AMPD2: variants seen among roughly 807,000 people sequenced by gnomAD.
The protein encoded by AMPD2 is AMP deaminase 2.
In AMPD2, 52 loss-of-function variants were observed where a neutral mutation model predicts 91.3. The observed-to-expected ratio is 0.57, with a 90% CI of 0.46 to 0.72. AMPD2 has a LOEUF of 0.72. AMPD2 is among the 30% of genes least tolerant of loss of function. AMPD2 has a pLI of 0.00. For missense variants in AMPD2, 822 were observed against 1,122.3 expected, an observed-to-expected ratio of 0.73 and a Z score of 3.82; for synonymous variants, 455 against 456.4, an observed-to-expected ratio of 1.00 and a Z score of 0.04.
rs563198884 is a variant in AMPD2, at chr1:109,627,287, C to T, written c.831C>T (p.His277=). ...LGLRMVRGVV[H]VYTRREPDEH... ...TGCGCATGGTGCGGGGTGTGGTGCACGTCTACACCCGCAGGGAACCCGACG... is the reference window on the plus strand; with the variant it reads ...TGCGCATGGTGCGGGGTGTGGTGCATGTCTACACCCGCAGGGAACCCGACG... The change falls in exon 8 of 19, where the codon CAC becomes CAT. Residue 277 remains histidine, a synonymous_variant. Coordinates refer to ENST00000528667, the MANE Select transcript of AMPD2 (RefSeq NM_001368809.2). 46 of 1,605,272 alleles carry T rather than the reference C, an allele frequency of 2.9e-5. No individual in the cohort carries two copies. The East Asian group carries it at 2.9e-4, about 10-fold the overall frequency.
rs752638997 is a variant in AMPD2 at position 109,621,308 on chromosome 1, T to C, written c.91+42T>C. 3 of 1,602,278 alleles carry C rather than the reference T, an allele frequency of 1.9e-6. No homozygotes were observed. The East Asian group carries it at 6.7e-5, about 36-fold the overall frequency. On this transcript the variant is annotated intron_variant, in intron 2 of 18. Coordinates refer to ENST00000528667, the MANE Select transcript of AMPD2 (RefSeq NM_001368809.2). ...TGGCCTCAGGATAGATGCTGGGCTCTGTCTTGCCACCTCTCGCCCAAGGTG... is the reference window on the plus strand; with the variant it reads ...TGGCCTCAGGATAGATGCTGGGCTCCGTCTTGCCACCTCTCGCCCAAGGTG...
At position 109,629,859 on chromosome 1, in the gene AMPD2, C is replaced by T. The variant is rs1651048457; in HGVS notation, c.1926C>T (p.His642=). The T allele has an allele frequency of 1.9e-6, 3 of 1,612,704 alleles. No homozygotes were observed. The highest frequency in any genetic ancestry group is 2.5e-6 in the Non-Finnish European group (3 of 1,179,128). The change falls in exon 16 of 19, where the codon CAC becomes CAT. Residue 642 remains histidine, a synonymous_variant. Transcript: ENST00000528667. ...PHCGEAGPIH[H]LVSAFMLAEN... is the part of the protein sequence containing the mutation. ...GTGGGGAGGCTGGGCCCATCCACCA[C>T]CTGGTGTCAGCCTTCATGCTGGCTG... is the stretch of plus-strand genomic sequence containing the variant.
Position 109,620,048 on chromosome 1 carries a change from G to C in AMPD2, c.-493G>C. 1.7e-6 allele frequency: 1 copy of C among 579,640 alleles called. No individual in the cohort carries two copies. The highest frequency in any genetic ancestry group is 3.1e-6 in the Non-Finnish European group (1 of 324,792). The allele number at this position is 579,640 out of a possible 1,614,324, so 35.9% of individuals were successfully genotyped here. ...GTTGGGTGGTCGCGACACCGGGGTC[G>C]CCTTGAGGCCAGTCCGGCTGCCGAG... is the stretch of plus-strand genomic sequence containing the variant. On this transcript the variant is annotated 5_prime_UTR_variant, in exon 1 of 19. Coordinates refer to ENST00000528667, the MANE Select transcript of AMPD2 (RefSeq NM_001368809.2).
At position 109,625,801 on chromosome 1, in the gene AMPD2, G is replaced by A. The variant is rs371094107; in HGVS notation, c.353+9G>A. ...ATCAGCCAGGATGTCAAGTGAGCCC[G>A]GCAGGCAGCTGCTTAGTCTCCCTCC... is the stretch of plus-strand genomic sequence containing the variant. On this transcript the variant is annotated intron_variant, in intron 4 of 18. Coordinates refer to ENST00000528667, the MANE Select transcript of AMPD2 (RefSeq NM_001368809.2). The surrounding 1 kb of genome is among the most constrained non-coding windows in gnomAD (Gnocchi z 4.0). The A allele has an allele frequency of 4.0e-5, 65 of 1,613,780 alleles. No homozygotes were observed. The highest frequency in any genetic ancestry group is 3.3e-4 in the Middle Eastern group (2 of 6,082).
intron 2 of AMPD2, 59 bp downstream of exon 2, chr1:109,621,325 C>T (rs1363041423): frequency 6.3e-7 from 1 of 1,581,016 alleles, no homozygotes; most frequent in Non-Finnish European, 8.6e-7. Context: ...CCACCTCTCG[C>T]CCAAGGTGCT....
At position 109,626,759 on chromosome 1, in the gene AMPD2, A is replaced by G; in HGVS notation, c.565A>G (p.Ser189Gly). 1.2e-6 allele frequency: 2 copies of G among 1,613,832 alleles called. No individual in the cohort carries two copies. The highest frequency in any genetic ancestry group is 1.7e-6 in the Non-Finnish European group (2 of 1,179,834). The stretch of plus-strand genomic sequence containing the variant: ...CACAGACCTGCTGGATGCAGCCAAG[A>G]GTGTGGTGCGGGCGCTCTTCATCCG... ...PFTDLLDAAK[S>G]VVRALFIREK... is the part of the protein sequence containing the mutation. Residue 189 changes from serine to glycine, a missense_variant, in exon 7 of 19, where the codon AGT becomes GGT. Transcript: ENST00000528667.
At chr1:109,622,929 C>T (rs1650379170) in intron 2 of AMPD2, among the ~76,000 whole-genome samples, 1 of 152,114 alleles carries the variant, frequency 6.6e-6, no homozygotes. Context: ...AGATCTTACA[C>T]TCTGGGGGTG....
At chr1:109,627,035 G>T in intron 7 of AMPD2, 123 bp downstream of exon 7, 1 of 1,538,690 alleles carries the variant, frequency 6.5e-7, no homozygotes, top group Non-Finnish European at 8.8e-7. Context: ...CAACCTCTTG[G>T]GGTACAGGGG....
At chr1:109,621,435 G>T in intron 2 of AMPD2, 169 bp downstream of exon 2, 5 of 658,282 alleles carry the variant, frequency 7.6e-6, no homozygotes, top group East Asian at 3.0e-5. Context: ...GGGGTGAGGG[G>T]TGGTGGGGGG....
In AMPD2 at chr1:109,621,688, C is replaced by T. The variant is rs539417874; in HGVS notation, c.91+422C>T. On this transcript the variant is annotated intron_variant, in intron 2 of 18. Transcript: ENST00000528667. ...GCTTAGGCTGTTCTGTGGCTAGTTC[C>T]ACTTTTTAGGACCCCACATCTAGAT... is the stretch of plus-strand genomic sequence containing the variant. Among the ~76,000 whole-genome samples, 6 of 152,308 alleles carry T rather than the reference C, an allele frequency of 3.9e-5. No individual in the cohort carries two copies. The East Asian group carries it at 1.2e-3, about 29-fold the overall frequency.
Position 109,629,170 on chromosome 1 carries a change from C to T in AMPD2, c.1633C>T (p.Leu545=). ...NFQEMLENIF[L]PLFEATVHPA... ...CCAGGAGATGCTGGAGAACATCTTC[C>T]TGCCACTGTTCGAGGCCACTGTGCA... Residue 545 remains leucine, a synonymous_variant, in exon 14 of 19, where the codon CTG becomes TTG. Transcript: ENST00000528667. The T allele has an allele frequency of 1.2e-6, 2 of 1,614,162 alleles. No individual in the cohort carries two copies. Among genetic ancestry groups the T allele is most frequent in the African/African-American group, 1.3e-5 (1 of 75,056 alleles).
rs1650930749 is a variant in AMPD2, at chr1:109,628,620, G to A, written c.1408-23G>A. ...CTCTGACTCAGCTCACCTCATGTCT[G>A]ACTCAGCTCACCTCATGTCTAGGAG... On this transcript the variant is annotated intron_variant, in intron 12 of 18. Coordinates refer to ENST00000528667, the MANE Select transcript of AMPD2 (RefSeq NM_001368809.2). The surrounding 1 kb of genome is among the most constrained non-coding windows in gnomAD (Gnocchi z 7.1). The A allele has an allele frequency of 1.2e-6, 2 of 1,611,750 alleles. No individual in the cohort carries two copies. Among genetic ancestry groups the A allele is most frequent in the Admixed American group, 3.3e-5 (2 of 59,932 alleles).
intron 9 of AMPD2, 101 bp from the exon 10 acceptor site, chr1:109,627,673 A>G: frequency 6.4e-7 from 1 of 1,555,444 alleles, no homozygotes; most frequent in South Asian, 1.2e-5. Context: ...GGCAGCCTCC[A>G]TCCTTACCCT....
rs1650681864 is a variant in AMPD2, at chr1:109,626,341, G to GGGAAGGGTGACC, written c.447_448insAAGGGTGACCGG (p.Gly149_Gln150insLysGlyAspArg). ...CAGGCTCTACAAGGAACAGGGTGAG[G>GGGAAGGGTGACC]GGCAGGGTGACCGGAGCCTGCGGGA... On this transcript the variant is annotated inframe_insertion, in exon 6 of 19. Coordinates refer to ENST00000528667, the MANE Select transcript of AMPD2 (RefSeq NM_001368809.2). 6.2e-7 allele frequency: 1 copy of GGGAAGGGTGACC among 1,613,034 alleles called. No homozygotes were observed. Among genetic ancestry groups the GGGAAGGGTGACC allele is most frequent in the Admixed American group, 1.7e-5 (1 of 59,848 alleles).
intron 2 of AMPD2, chr1:109,622,289 G>T (rs533453070): frequency 1.8e-5 from 8 of 456,194 alleles, no homozygotes; most frequent in Admixed American, 2.3e-5. Flanking sequence ...GGCCCTGTTT[G>T]GTTCAGCAAT....
At position 109,631,268 on chromosome 1, in the gene AMPD2, A is replaced by G. The variant is rs770237797; in HGVS notation, c.*116A>G. On this transcript the variant is annotated 3_prime_UTR_variant, in exon 19 of 19. Transcript: ENST00000528667. ...CCATTCTTCTCTGTCTCTGTCTTGC[A>G]TGTCTCCTACCATGTCACTGTCCCT... 2 of 1,062,906 alleles carry G rather than the reference A, an allele frequency of 1.9e-6. No individual in the cohort carries two copies. The highest frequency in any genetic ancestry group is 2.8e-6 in the Non-Finnish European group (2 of 716,544). The allele number at this position is 1,062,906 out of a possible 1,614,324, so 65.8% of individuals were successfully genotyped here.
intron 2 of AMPD2, 163 bp downstream of exon 2, chr1:109,621,429 T>TGTGG: frequency 7.2e-6 from 1 of 139,162 alleles, no homozygotes; most frequent in Admixed American, 1.1e-4. Flanking sequence ...GAAGGTGGGG[T>TGTGG]GAGGGGTGGT....
intron 17 of AMPD2, 112 bp downstream of exon 17, chr1:109,630,518 C>T: frequency 7.9e-7 from 1 of 1,272,996 alleles, no homozygotes; most frequent in Non-Finnish European, 1.1e-6. Flanking sequence ...CTGCCCCCTG[C>T]TGGTAGAGCA....
At chr1:109,626,559 A>G in intron 6 of AMPD2, 132 bp downstream of exon 6, 3 of 1,296,532 alleles carry the variant, frequency 2.3e-6, no homozygotes, top group Non-Finnish European at 3.2e-6. Context: ...GGAGGGGCAG[A>G]GGGGCTGCCT....
Sources: allele counts gnomAD v4.1 joint callset (sites outside exome capture counted in the v4.1 genomes callset), GRCh38; gene constraint gnomAD v4.1.1; non-coding constraint Gnocchi (gnomAD v3.1); transcripts MANE v1.5; gene names NCBI Gene and HGNC (gene_info 2026-07-23, HGNC 2026-07-21).